ANKRD28: variants seen among roughly 807,000 people sequenced by gnomAD.
ANKRD28 encodes ankyrin repeat domain 28.
In ANKRD28, 44 loss-of-function variants were observed where a neutral mutation model predicts 126.5. The ratio of observed to expected loss-of-function variants is 0.35; its 90% confidence interval spans 0.27 to 0.45. The LOEUF (loss-of-function observed/expected upper bound fraction) is 0.45, where lower values mean the gene tolerates loss of function less well. Among genes scored for constraint, ANKRD28 ranks in the 20% least tolerant of loss-of-function variants. The pLI is 1.00. For synonymous variants in ANKRD28, 442 were observed against 468.5 expected, an observed-to-expected ratio of 0.94 and a Z score of 0.73; for missense variants, 1,110 against 1,316.6, an observed-to-expected ratio of 0.84 and a Z score of 2.43.
chr3:15,766,321 A>T lies in ANKRD28; in HGVS notation c.202-9T>A. 1 of 1,602,102 alleles carries T rather than the reference A, an allele frequency of 6.2e-7. No homozygotes were observed. The highest frequency in any genetic ancestry group is 2.2e-5 in the East Asian group (1 of 44,802). ...GTTCGCTTTTCATTGTCCTGTGATA[A>T]TAAGGAAAGGTGGGAAATAAGTTTT... On this transcript the variant is annotated splice_polypyrimidine_tract_variant and intron_variant, in intron 2 of 27. Coordinates refer to ENST00000683139, the MANE Select transcript of ANKRD28 (RefSeq NM_001349278.2).
intron 24 of ANKRD28, 180 bp from the exon 25 acceptor site, chr3:15,677,742 T>C: frequency 4.3e-6 from 2 of 462,818 alleles, no homozygotes; most frequent in Non-Finnish European, 7.7e-6. Context: ...GAGACAATTA[T>C]ATTGTTGTAT....
At position 15,814,237 on chromosome 3, in the gene ANKRD28, T is replaced by C. The variant is rs2060786464; in HGVS notation, c.28-18931A>G. On this transcript the variant is annotated intron_variant, in intron 1 of 27. Transcript: ENST00000399451. The surrounding 1 kb of genome is among the most constrained non-coding windows in gnomAD (Gnocchi z 4.7). ...TGCAAGAGACTACTAGAAAATAACC[T>C]ACCATAATAGGAATTCCCATACTAT... The C allele has an allele frequency of 1.6e-6, 2 of 1,233,802 alleles. No homozygotes were observed. The highest frequency in any genetic ancestry group is 2.1e-6 in the Non-Finnish European group (2 of 967,604). 76.4% of individuals were successfully genotyped at this position (1,233,802 alleles called of 1,614,324 possible). A position where few individuals can be genotyped will look rare whatever the true frequency, so the allele number is the denominator to read the frequency against.
intron 1 of ANKRD28, among the ~76,000 whole-genome samples, chr3:15,837,004 G>A (rs1180737784): frequency 6.6e-6 from 1 of 151,338 alleles, no homozygotes; most frequent in Non-Finnish European, 1.5e-5. Context: ...GGAGGCTGAG[G>A]CAGGAGAATG....
chr3:15,673,521 C>T (rs1388452326), intron 27 of ANKRD28, among the ~76,000 whole-genome samples: 1 of 151,906 alleles, frequency 6.6e-6, no homozygotes, highest in African/African-American at 2.4e-5. Flanking sequence ...ATCAACATAA[C>T]AAAAAAGTAC....
intron 1 of ANKRD28, among the ~76,000 whole-genome samples, chr3:15,804,122 C>T (rs1193448703): frequency 2.1e-5 from 3 of 145,088 alleles, no homozygotes; most frequent in Non-Finnish European, 4.5e-5. Context: ...CTATACATAC[C>T]ATGCCAAGGA....
chr3:15,797,933 G>C lies in ANKRD28; in HGVS notation c.-1412C>G, dbSNP rs1308473331. ...GAAGAGCAAAGACTGCAGACCCACA[G>C]GATGAAATGCCTAGTAATGCTCACA... On this transcript the variant is annotated 5_prime_UTR_variant, in exon 1 of 28. Transcript: ENST00000683139. 1.0e-6 allele frequency: 1 copy of C among 985,182 alleles called. No homozygotes were observed. Among genetic ancestry groups the C allele is most frequent in the African/African-American group, 1.7e-5 (1 of 57,182 alleles). The allele number at this position is 985,182 out of a possible 1,614,324, so 61.0% of individuals were successfully genotyped here.
At chr3:15,855,690 T>C (rs1028270954) in intron 1 of ANKRD28, among the ~76,000 whole-genome samples, 1 of 152,186 alleles carries the variant, frequency 6.6e-6, no homozygotes, top group African/African-American at 2.4e-5. Flanking sequence ...AGGCCATATA[T>C]TGTATGATTC....
chr3:15,790,663 T>C (rs1026460258), intron 2 of ANKRD28, among the ~76,000 whole-genome samples: 3 of 152,094 alleles, frequency 2.0e-5, no homozygotes, highest in South Asian at 4.1e-4. Context: ...AAGCCATATA[T>C]GACAGACCCA....
intron 1 of ANKRD28, among the ~76,000 whole-genome samples, chr3:15,832,360 C>T (rs1242019581): frequency 2.0e-5 from 3 of 152,144 alleles, no homozygotes; most frequent in Non-Finnish European, 4.4e-5. Context: ...TGTAGGGGTG[C>T]TGAGCAAAAG....
intron 13 of ANKRD28, among the ~76,000 whole-genome samples, chr3:15,709,214 A>G (rs2071889629): frequency 6.6e-6 from 1 of 152,218 alleles, no homozygotes; most frequent in Non-Finnish European, 1.5e-5. Flanking sequence ...AAGAAAAATT[A>G]CACATATATA....
rs150893802 is a variant in ANKRD28 at position 15,780,488 on chromosome 3, T to C, written c.202-14176A>G. ...AAAATTAATATTGTTAAAATGTCCA[T>C]ATTATCCAAAGCAATCCACAAATTC... On this transcript the variant is annotated intron_variant, in intron 2 of 27. Transcript: ENST00000683139. Among the ~76,000 whole-genome samples the C allele has an allele frequency of 7.4e-3, 1,125 of 152,248 alleles. 6 individuals carry two copies. Among genetic ancestry groups the C allele is most frequent in the Non-Finnish European group, 0.013 (881 of 68,022 alleles).
chr3:15,677,520 T>C lies in ANKRD28; in HGVS notation c.2750A>G (p.Asp917Gly), dbSNP rs766184935. The C allele has an allele frequency of 2.5e-6, 4 of 1,613,218 alleles. No individual in the cohort carries two copies. Among genetic ancestry groups the C allele is most frequent in the Non-Finnish European group, 2.5e-6 (3 of 1,179,352 alleles). ...SSASAELTLQ[D>G]NSKNTALHLA... ...ATGGAGGGCAGTATTTTTACTGTTA[T>C]CTTGTAAAGTCAGTTCTGCACTAGC... Residue 917 changes from aspartate to glycine, a missense_variant, in exon 25 of 28, where the codon GAT becomes GGT. By Grantham distance (94) the Asp-to-Gly change is moderately conservative (BLOSUM62 -1). Transcript: ENST00000683139.
In ANKRD28 at chr3:15,677,069, C is replaced by T. The variant is rs1313701101; in HGVS notation, c.2791-13G>A. The T allele has an allele frequency of 1.1e-5, 18 of 1,607,484 alleles. No homozygotes were observed. The highest frequency in any genetic ancestry group is 1.4e-5 in the Non-Finnish European group (16 of 1,174,884). On this transcript the variant is annotated splice_polypyrimidine_tract_variant and intron_variant, in intron 25 of 27. Transcript: ENST00000683139. ...TAGTTTCATGACCCTATAATTGTGG[C>T]AGATAAGTTATAAAAACTTGAGCAC...
At chr3:15,726,401 T>A (rs1350374414) in intron 6 of ANKRD28, among the ~76,000 whole-genome samples, 1 of 152,210 alleles carries the variant, frequency 6.6e-6, no homozygotes, top group African/African-American at 2.4e-5. Flanking sequence ...GTGGCCTTAC[T>A]GATGATACAG....
At chr3:15,689,976 T>C in intron 18 of ANKRD28, 43 bp downstream of exon 18, 1 of 1,462,788 alleles carries the variant, frequency 6.8e-7, no homozygotes, top group Non-Finnish European at 9.2e-7. Context: ...AAAAAAGTAT[T>C]GGATAGAAGT....
At chr3:15,859,174 G>C (rs545016254) in intron 1 of ANKRD28, among the ~76,000 whole-genome samples, 1 of 152,346 alleles carries the variant, frequency 6.6e-6, no homozygotes, top group South Asian at 2.1e-4. Context: ...CGGCACGTGG[G>C]CTTCACCCAG....
At chr3:15,806,908 C>CTA (rs2060595237) in intron 1 of ANKRD28, among the ~76,000 whole-genome samples, 1 of 152,132 alleles carries the variant, frequency 6.6e-6, no homozygotes, top group African/African-American at 2.4e-5. Context: ...TAGGCCTATC[C>CTA]TAAGCCAAAA....
intron 10 of ANKRD28, among the ~76,000 whole-genome samples, chr3:15,712,631 A>G (rs754643653): frequency 4.6e-5 from 7 of 152,208 alleles, no homozygotes; most frequent in Non-Finnish European, 1.0e-4. Context: ...TCACCCCACC[A>G]TTGAAACATT....
At chr3:15,703,868 T>C (rs924754887) in intron 14 of ANKRD28, among the ~76,000 whole-genome samples, 1 of 152,196 alleles carries the variant, frequency 6.6e-6, no homozygotes, top group African/African-American at 2.4e-5. Context: ...CTTTATAACA[T>C]ATACCAGGAC....
Sources: gnomAD v4.1 joint callset for allele counts (sites outside exome capture counted in the v4.1 genomes callset) on GRCh38, gnomAD v4.1.1 for gene constraint, Gnocchi (gnomAD v3.1) non-coding constraint, MANE v1.5 for transcripts, NCBI Gene and HGNC (gene_info 2026-07-23, HGNC 2026-07-21) for gene names.